The following GPI variants were observed in gnomAD, a reference collection of about 807,000 sequenced individuals.
GPI encodes D-hexose-6-phosphate anomerase.
Under a neutral mutation model 75.8 loss-of-function variants are expected in GPI, and 56 were observed. The ratio of observed to expected loss-of-function variants is 0.74; its 90% confidence interval spans 0.60 to 0.92. The LOEUF is 0.92. GPI is among the 40% of genes least tolerant of loss of function. GPI has a pLI of 0.00. For missense variants in GPI, 638 were observed against 741.0 expected, an observed-to-expected ratio of 0.86 and a Z score of 1.61; for synonymous variants, 288 against 285.4, an observed-to-expected ratio of 1.01 and a Z score of -0.09.
Position 34,399,126 on chromosome 19 carries a change from C to G in GPI, c.1270-81C>G. On this transcript the variant is annotated intron_variant, in intron 14 of 17. Transcript: ENST00000356487. The stretch of plus-strand genomic sequence containing the variant: ...TGACCCAGGCTGGGACTGACCCCTG[C>G]TGAGAAGTACCAGGCGGTCTTGTCC... 5 of 1,433,086 alleles carry G rather than the reference C, an allele frequency of 3.5e-6. 1 individual carries two copies. In the South Asian group the frequency reaches 6.2e-5, roughly 18 times the overall value. 88.8% of individuals were successfully genotyped at this position (1,433,086 alleles called of 1,614,324 possible).
chr19:34,365,860 G>C (rs755351444), intron 1 of GPI: 11 of 470,874 alleles, frequency 2.3e-5, no homozygotes, highest in South Asian at 1.7e-4. Flanking sequence ...CGTCGGGCGT[G>C]ATTCCTGCAG....
intron 4 of GPI, among the ~76,000 whole-genome samples, chr19:34,374,409 G>A (rs1385358978): frequency 6.6e-6 from 1 of 152,020 alleles, no homozygotes; most frequent in African/African-American, 2.4e-5. Context: ...AGAAGGTGGG[G>A]GACTATCATA....
chr19:34,364,907 G>A (rs767905180), upstream of GPI: 22 of 1,425,530 alleles, frequency 1.5e-5, 1 homozygote, highest in South Asian at 2.8e-4. Flanking sequence ...GTGCAGCGGC[G>A]CGATGGTAGC....
intron 8 of GPI, 194 bp downstream of exon 8, chr19:34,379,756 A>C: frequency 1.5e-6 from 1 of 687,490 alleles, no homozygotes; most frequent in African/African-American, 1.8e-5. Flanking sequence ...TGCAGCTTTG[A>C]GGAGGGAGGC....
At chr19:34,381,025 G>A in intron 8 of GPI, 1 of 313,320 alleles carries the variant, frequency 3.2e-6, no homozygotes, top group Non-Finnish European at 6.3e-6. Context: ...GGGAAGGGCT[G>A]GGTGGCTGTT....
intron 4 of GPI, 129 bp from the exon 5 acceptor site, chr19:34,377,358 TGGTAAATTAAAAACAA>T (rs1038009644): frequency 1.3e-5 from 4 of 299,728 alleles, no homozygotes; most frequent in Non-Finnish European, 2.5e-5. Context: ...TATATATATA[TGGTAAATTAAAAACAA>T]AAAAATAGAG....
chr19:34,391,124 G>A (rs1872983320), intron 9 of GPI, among the ~76,000 whole-genome samples: 1 of 148,638 alleles, frequency 6.7e-6, no homozygotes, highest in Non-Finnish European at 1.5e-5. Flanking sequence ...AGGCCCTTGG[G>A]CTTCCAGTGC....
In GPI at chr19:34,365,200, G is replaced by T; in HGVS notation, c.-67G>T. ...CGCCGCGCGCCCACGCGCCTCGCTTGCTGCGCGCTGCCGGCGCTCCTTCCT... is the reference window on the plus strand; with the variant it reads ...CGCCGCGCGCCCACGCGCCTCGCTTTCTGCGCGCTGCCGGCGCTCCTTCCT... On this transcript the variant is annotated 5_prime_UTR_variant, in exon 1 of 18. Transcript: ENST00000356487. 7.2e-7 allele frequency: 1 copy of T among 1,390,386 alleles called. No individual in the cohort carries two copies. The highest frequency in any genetic ancestry group is 1.8e-5 in the South Asian group (1 of 56,720). 86.1% of individuals were successfully genotyped at this position (1,390,386 alleles called of 1,614,324 possible).
intron 4 of GPI, among the ~76,000 whole-genome samples, chr19:34,372,129 C>T (rs537682367): frequency 6.6e-5 from 10 of 151,856 alleles, no homozygotes; most frequent in African/African-American, 1.2e-4. Flanking sequence ...TGAGGTTTCA[C>T]CATGTTGGTC....
chr19:34,397,044 C>G (rs1364692738), intron 14 of GPI, among the ~76,000 whole-genome samples: 1 of 152,198 alleles, frequency 6.6e-6, no homozygotes, highest in African/African-American at 2.4e-5. Flanking sequence ...CTCATGACCT[C>G]AAGTAATCTA....
At chr19:34,365,831 C>T (rs1450388115) in intron 1 of GPI, 5 of 471,370 alleles carry the variant, frequency 1.1e-5, no homozygotes, top group African/African-American at 9.9e-5. Context: ...TTTGAGGGAG[C>T]TGGGTGGAAG....
intron 14 of GPI, 86 bp downstream of exon 14, chr19:34,396,743 C>CA: frequency 2.0e-6 from 2 of 1,019,962 alleles, no homozygotes; most frequent in Non-Finnish European, 3.0e-6. Context: ...GGTTGGCAAT[C>CA]ACGTTAGTTT....
At chr19:34,398,496 A>T (rs1212688424) in intron 14 of GPI, 1 of 151,190 alleles carries the variant, frequency 6.6e-6, no homozygotes, top group African/African-American at 2.4e-5. Flanking sequence ...TTTTTTCGAG[A>T]CACCGTTTCA....
intron 4 of GPI, among the ~76,000 whole-genome samples, chr19:34,370,255 C>A (rs565667934): frequency 6.6e-6 from 1 of 152,220 alleles, no homozygotes; most frequent in Admixed American, 6.5e-5. Context: ...CAGACATCCT[C>A]ACGTCTGGAG....
chr19:34,364,471 A>G (rs1021485873), upstream of GPI, among the ~76,000 whole-genome samples: 4 of 151,540 alleles, frequency 2.6e-5, no homozygotes, highest in African/African-American at 9.7e-5. Flanking sequence ...CCCAGGTTCA[A>G]GTGATTATCC....
chr19:34,391,382 T>C (rs2074828669), intron 9 of GPI, among the ~76,000 whole-genome samples: 1 of 14,498 alleles, frequency 6.9e-5, no homozygotes, highest in Non-Finnish European at 1.4e-4. Flanking sequence ...GGTCTGTCAA[T>C]ATCAGAGGAG....
At chr19:34,362,022 G>A (rs549606528), upstream of GPI, among the ~76,000 whole-genome samples, 163 of 151,526 alleles carry the variant, frequency 1.1e-3, 1 homozygote, top group Non-Finnish European at 1.7e-3. Flanking sequence ...GGCTGAAGCA[G>A]GAGAATTGCT....
chr19:34,382,208 A>G (rs775170487), intron 9 of GPI, among the ~76,000 whole-genome samples: 6 of 152,158 alleles, frequency 3.9e-5, no homozygotes, highest in Non-Finnish European at 8.8e-5. Flanking sequence ...TGCTGTGGGC[A>G]TGGCCGGGCT....
At chr19:34,383,729 G>A (rs967223044) in intron 9 of GPI, among the ~76,000 whole-genome samples, 2 of 152,196 alleles carry the variant, frequency 1.3e-5, no homozygotes, top group African/African-American at 2.4e-5. Context: ...GCAGGCAGGT[G>A]GCATGAGGAG....
Sources: gnomAD v4.1 joint callset for allele counts (sites outside exome capture counted in the v4.1 genomes callset) on GRCh38, gnomAD v4.1.1 for gene constraint, MANE v1.5 for transcripts, NCBI Gene and HGNC (gene_info 2026-07-23, HGNC 2026-07-21) for gene names.